WDSUB1: variants seen among roughly 807,000 people sequenced by gnomAD.
WDSUB1 encodes the protein WD repeat, sterile alpha motif and U-box domain containing 1.
A neutral mutation model predicts 53.9 loss-of-function variants in WDSUB1; 49 were observed. That is an observed-to-expected ratio of 0.91 (90% confidence interval 0.72 to 1.15). The LOEUF (loss-of-function observed/expected upper bound fraction) is 1.15. Ranked by LOEUF, WDSUB1 falls within the 50% of genes most tolerant of loss-of-function variation. The pLI, the probability that WDSUB1 is intolerant of heterozygous loss-of-function variation, is 0.00. For missense variants in WDSUB1, 514 were observed against 562.0 expected (o/e 0.91, Z 0.86); for synonymous variants, 194 against 200.6 (o/e 0.97, Z 0.28).
At chr2:159,244,643 G>C (rs1287014190) in intron 10 of WDSUB1, among the ~76,000 whole-genome samples, 1 of 152,146 alleles carries the variant, frequency 6.6e-6, no homozygotes, top group Non-Finnish European at 1.5e-5. Context: ...ATGAGCTACT[G>C]GCCAGGCTCA....
At chr2:159,259,036 A>ATTTTTTTTTTTTTTTT (rs1553629127) in intron 6 of WDSUB1, among the ~76,000 whole-genome samples, 1 of 150,612 alleles carries the variant, frequency 6.6e-6, no homozygotes, top group African/African-American at 2.4e-5. Flanking sequence ...CAACTACTTT[A>ATTTTTTTTTTTTTTTT]TTTTTGAGAC....
chr2:159,268,915 C>T (rs748455471), intron 5 of WDSUB1, among the ~76,000 whole-genome samples: 3 of 151,620 alleles, frequency 2.0e-5, no homozygotes, highest in African/African-American at 7.3e-5. Flanking sequence ...ATTCAATGGA[C>T]CAGTTTAATA....
chr2:159,235,820 A>G lies in WDSUB1; in HGVS notation c.*213T>C. ...CAATTTAAAGTATAACTTTATTTCT[A>G]TATAGCTGAAGATTCTTTTCACTAG... On this transcript the variant is annotated 3_prime_UTR_variant, in exon 11 of 11. Transcript: ENST00000359774. The G allele has an allele frequency of 2.6e-6, 1 of 389,374 alleles. No individual in the cohort carries two copies. The highest frequency in any genetic ancestry group is 4.4e-6 in the Non-Finnish European group (1 of 226,044). The allele number at this position is 389,374 out of a possible 1,614,324, so 24.1% of individuals were successfully genotyped here. A position where few individuals can be genotyped will look rare whatever the true frequency, so the allele number is the denominator to read the frequency against.
At chr2:159,261,871 TA>T (rs2061208001) in intron 5 of WDSUB1, among the ~76,000 whole-genome samples, 2 of 15,926 alleles carry the variant, frequency 1.3e-4, no homozygotes. Context: ...TATATATATA[TA>T]TATATATATA....
intron 3 of WDSUB1, among the ~76,000 whole-genome samples, chr2:159,279,013 ATTT>A (rs2061598506): frequency 6.6e-6 from 1 of 152,182 alleles, no homozygotes; most frequent in South Asian, 2.1e-4. Context: ...CTTATTAATA[ATTT>A]TTATTATCAA....
chr2:159,247,896 TATATATATATATAA>T (rs201310525), intron 10 of WDSUB1, among the ~76,000 whole-genome samples: 22,133 of 53,010 alleles, frequency 0.42, 4,027 homozygotes, highest in Non-Finnish European at 0.51. Context: ...AATATATATA[TATATATATATATAA>T]ATATATATAT....
In WDSUB1 at chr2:159,258,132, A is replaced by G. The variant is rs1022606446; in HGVS notation, c.805-147T>C. On this transcript the variant is annotated intron_variant, in intron 6 of 10. Coordinates refer to ENST00000359774, the MANE Select transcript of WDSUB1 (RefSeq NM_001128212.3). ...CATAAGTTGAAACTTTACTCAATGA[A>G]TAGCAGAAACAGCATCTGTAACAGC... is the stretch of plus-strand genomic sequence containing the variant. The G allele has an allele frequency of 1.6e-5, 11 of 707,306 alleles. No individual in the cohort carries two copies. In the South Asian group the frequency reaches 2.1e-4, roughly 13 times the overall value. The allele number at this position is 707,306 out of a possible 1,614,324, so 43.8% of individuals were successfully genotyped here. A position where few individuals can be genotyped will look rare whatever the true frequency, so the allele number is the denominator to read the frequency against.
intron 5 of WDSUB1, among the ~76,000 whole-genome samples, chr2:159,263,475 G>A (rs1253389084): frequency 6.6e-6 from 1 of 152,192 alleles, no homozygotes; most frequent in African/African-American, 2.4e-5. Context: ...CGTGTCATAG[G>A]TCCTGTCCAC....
chr2:159,265,777 C>T (rs2061332807), intron 5 of WDSUB1, among the ~76,000 whole-genome samples: 1 of 152,146 alleles, frequency 6.6e-6, no homozygotes, highest in Non-Finnish European at 1.5e-5. Flanking sequence ...CTGGCTAGAT[C>T]AAGAGAAGTA....
At chr2:159,275,884 G>C (rs174266) in intron 3 of WDSUB1, among the ~76,000 whole-genome samples, 10,379 of 152,162 alleles carry the variant, frequency 0.068, 387 homozygotes, top group African/African-American at 0.11. Flanking sequence ...TCAAAGAATA[G>C]AACTCAAGGC....
At chr2:159,283,797 T>A (rs1171129241) in intron 1 of WDSUB1, among the ~76,000 whole-genome samples, 4 of 151,820 alleles carry the variant, frequency 2.6e-5, no homozygotes, top group Non-Finnish European at 4.4e-5. Context: ...GCCCTGGGGG[T>A]TGGGGATCTA....
rs747739831 is a variant in WDSUB1, at chr2:159,275,625, ACCT to A, written c.594_596del (p.Gln198_Gly199delinsHis). On this transcript the variant is annotated inframe_deletion, in exon 4 of 11. Coordinates refer to ENST00000359774, the MANE Select transcript of WDSUB1 (RefSeq NM_001128212.3). ...ATGATGCCAGTCGAAAAAACTGAAG[ACCT>A]TGTTCTCCATCTAAAATTTATTAAA... is the stretch of plus-strand genomic sequence containing the variant. 3.1e-6 allele frequency: 5 copies of A among 1,597,806 alleles called. No homozygotes were observed. In the African/African-American group the frequency reaches 6.8e-5, roughly 22 times the overall value.
intron 9 of WDSUB1, 75 bp from the exon 10 acceptor site, chr2:159,248,587 T>C: frequency 1.4e-6 from 2 of 1,399,366 alleles, no homozygotes; most frequent in Non-Finnish European, 1.9e-6. Flanking sequence ...GTAATCCTTA[T>C]TCACAAATAG....
intron 9 of WDSUB1, among the ~76,000 whole-genome samples, chr2:159,248,756 G>T (rs923269474): frequency 6.6e-6 from 1 of 152,012 alleles, no homozygotes. Context: ...CAGGCACATG[G>T]CACCATGCCC....
At chr2:159,280,570 A>T (rs1053054863) in intron 2 of WDSUB1, among the ~76,000 whole-genome samples, 4 of 148,720 alleles carry the variant, frequency 2.7e-5, no homozygotes, top group Non-Finnish European at 6.0e-5. Flanking sequence ...GGGCGCCTGT[A>T]GTCCCAGCTA....
At chr2:159,254,777 C>A (rs2061025366) in intron 9 of WDSUB1, among the ~76,000 whole-genome samples, 1 of 151,942 alleles carries the variant, frequency 6.6e-6, no homozygotes, top group Non-Finnish European at 1.5e-5. Context: ...TTTTTAAAAA[C>A]AAAGCCCCTA....
chr2:159,246,104 C>T (rs1237096827), intron 10 of WDSUB1, among the ~76,000 whole-genome samples: 1 of 152,074 alleles, frequency 6.6e-6, no homozygotes, highest in African/African-American at 2.4e-5. Flanking sequence ...AAAAGATGCT[C>T]AACATCATTA....
intron 10 of WDSUB1, among the ~76,000 whole-genome samples, chr2:159,238,598 G>A (rs1481205111): frequency 1.3e-5 from 2 of 152,156 alleles, no homozygotes; most frequent in Non-Finnish European, 2.9e-5. Flanking sequence ...GATTTTAAAT[G>A]CTATCTTTAT....
intron 10 of WDSUB1, among the ~76,000 whole-genome samples, chr2:159,243,821 T>C (rs149465426): frequency 2.0e-5 from 3 of 152,312 alleles, no homozygotes; most frequent in Non-Finnish European, 1.5e-5. Flanking sequence ...GAAAGGTTCA[T>C]AGCAGCACTA....
Sources: gnomAD v4.1 joint callset for allele counts (sites outside exome capture counted in the v4.1 genomes callset) on GRCh38, gnomAD v4.1.1 for gene constraint, MANE v1.5 for transcripts, NCBI Gene and HGNC (gene_info 2026-07-23, HGNC 2026-07-21) for gene names.